Variants in FGF14 observed in about 807,000 individuals in gnomAD.
FGF14 encodes the protein fibroblast growth factor homologous factor 4.
Under a neutral mutation model 25.5 loss-of-function variants are expected in FGF14, and 5 were observed. That is an observed-to-expected ratio of 0.20 (90% CI 0.10 to 0.41). FGF14 has a LOEUF of 0.41. Among genes scored for constraint, FGF14 ranks in the 10% least tolerant of loss-of-function variants. The pLI is 1.00. For synonymous variants in FGF14, 138 were observed against 118.3 expected, an observed-to-expected ratio of 1.17 and a Z score of -1.08; for missense variants, 222 against 320.1, an observed-to-expected ratio of 0.69 and a Z score of 2.34.
chr13:102,391,997 T>C (rs1340003964), intron 1 of FGF14, among the ~76,000 whole-genome samples: 1 of 152,256 alleles, frequency 6.6e-6, no homozygotes, highest in East Asian at 1.9e-4. Context: ...AGCCTTCTTA[T>C]GTTCATATTT....
intron 3 of FGF14, among the ~76,000 whole-genome samples, chr13:101,728,525 A>G (rs2035594027): frequency 6.6e-6 from 1 of 152,204 alleles, no homozygotes; most frequent in African/African-American, 2.4e-5. Flanking sequence ...GTACATGTTC[A>G]TGCATTTATT....
chr13:101,937,266 A>T (rs1010989197), intron 1 of FGF14, among the ~76,000 whole-genome samples: 1 of 152,212 alleles, frequency 6.6e-6, no homozygotes, highest in Admixed American at 6.5e-5. Flanking sequence ...TTACAGGCTG[A>T]ATTATGTTCC....
chr13:101,788,090 C>T (rs1030709085), intron 3 of FGF14, among the ~76,000 whole-genome samples: 2 of 152,142 alleles, frequency 1.3e-5, no homozygotes, highest in African/African-American at 4.8e-5. Flanking sequence ...TCAGGCTGGT[C>T]TCAAAGTCCT....
At chr13:102,066,919 C>T (rs930820156) in intron 1 of FGF14, among the ~76,000 whole-genome samples, 1 of 152,168 alleles carries the variant, frequency 6.6e-6, no homozygotes, top group African/African-American at 2.4e-5. Flanking sequence ...TGTGCCTGCT[C>T]AAAAGCTGCA....
At chr13:101,763,366 A>G (rs2038163252) in intron 3 of FGF14, among the ~76,000 whole-genome samples, 1 of 152,190 alleles carries the variant, frequency 6.6e-6, no homozygotes, top group African/African-American at 2.4e-5. Context: ...GTCAATATGT[A>G]ATGTACTCAA....
At chr13:101,734,020 CTGTGTGTGTGTGTGCATG>C (rs2036002940) in intron 3 of FGF14, among the ~76,000 whole-genome samples, 1 of 150,116 alleles carries the variant, frequency 6.7e-6, no homozygotes, top group Non-Finnish European at 1.5e-5. Context: ...AAGGAGATGT[CTGTGTGTGTGTGTGCATG>C]TGTGTGTGTG....
intron 1 of FGF14, among the ~76,000 whole-genome samples, chr13:102,061,090 C>A (rs1035997190): frequency 2.6e-5 from 4 of 152,190 alleles, no homozygotes; most frequent in East Asian, 1.9e-4. Flanking sequence ...CATGCTGGCT[C>A]CACATCCATC....
chr13:102,280,957 C>A lies in FGF14; in HGVS notation c.208+120514G>T, dbSNP rs1318988321. Among the ~76,000 whole-genome samples the A allele has an allele frequency of 2.0e-5, 3 of 152,164 alleles. No individual in the cohort carries two copies. The East Asian group carries it at 5.8e-4, about 29-fold the overall frequency. On this transcript the variant is annotated intron_variant, in intron 1 of 4. Coordinates refer to the FGF14 transcript ENST00000376131. ...TCATAGTTCCATGAAGGGATAGATACAATCTCTAGAGGAGGAGTATAAAAT... is the reference window on the plus strand; with the variant it reads ...TCATAGTTCCATGAAGGGATAGATAAAATCTCTAGAGGAGGAGTATAAAAT...
At chr13:102,060,297 C>T (rs577754733) in intron 1 of FGF14, among the ~76,000 whole-genome samples, 144 of 152,142 alleles carry the variant, frequency 9.5e-4, no homozygotes, top group African/African-American at 3.4e-3. Flanking sequence ...AGGCTGAGGC[C>T]GGGGGATCAT....
chr13:102,295,984 A>G (rs897864227), intron 1 of FGF14, among the ~76,000 whole-genome samples: 1 of 152,160 alleles, frequency 6.6e-6, no homozygotes, highest in Non-Finnish European at 1.5e-5. Context: ...AAACAGAAGA[A>G]TTGACCTCAG....
chr13:102,136,017 T>G (rs553684194), intron 1 of FGF14, among the ~76,000 whole-genome samples: 1 of 152,194 alleles, frequency 6.6e-6, no homozygotes, highest in South Asian at 2.1e-4. Context: ...CATATCTTGA[T>G]GCATTTGCTT....
chr13:101,951,277 T>C (rs1204877745), intron 1 of FGF14, among the ~76,000 whole-genome samples: 1 of 152,188 alleles, frequency 6.6e-6, no homozygotes, highest in African/African-American at 2.4e-5. Context: ...GGTTGCACTA[T>C]GAAAGAGGTA....
chr13:101,760,289 C>A (rs1275019505), intron 3 of FGF14, among the ~76,000 whole-genome samples: 1 of 152,170 alleles, frequency 6.6e-6, no homozygotes. Flanking sequence ...GCTTACTCTA[C>A]GTTCACTGCT....
At chr13:102,204,848 G>C (rs2049834157) in intron 1 of FGF14, among the ~76,000 whole-genome samples, 1 of 152,042 alleles carries the variant, frequency 6.6e-6, no homozygotes, top group African/African-American at 2.4e-5. Flanking sequence ...TAAAACTTAA[G>C]GCAGGAAAAG....
intron 1 of FGF14, among the ~76,000 whole-genome samples, chr13:102,196,323 T>A (rs7319999): frequency 0.19 from 29,159 of 152,104 alleles, 3,363 homozygotes; most frequent in Admixed American, 0.27. Context: ...TTGCTATTTT[T>A]CCCAGAAGAG....
chr13:101,772,759 T>C (rs756758819), intron 3 of FGF14, among the ~76,000 whole-genome samples: 1 of 152,160 alleles, frequency 6.6e-6, no homozygotes, highest in South Asian at 2.1e-4. Context: ...CTGTTAAGGT[T>C]AGAAAATAAG....
chr13:101,889,349 C>T (rs1395515342), intron 1 of FGF14, among the ~76,000 whole-genome samples: 1 of 152,072 alleles, frequency 6.6e-6, no homozygotes, highest in Non-Finnish European at 1.5e-5. Flanking sequence ...CACCCGGCTC[C>T]CAGGATAGTT....
chr13:101,943,998 CAAA>C (rs58695952), intron 1 of FGF14, among the ~76,000 whole-genome samples: 8,824 of 85,372 alleles, frequency 0.1, 993 homozygotes, highest in African/African-American at 0.26. Flanking sequence ...AACTCCGTCT[CAAA>C]AAAAAAAAAA....
At chr13:102,011,319 T>C (rs2139802897) in intron 1 of FGF14, among the ~76,000 whole-genome samples, 1 of 152,354 alleles carries the variant, frequency 6.6e-6, no homozygotes, top group South Asian at 2.1e-4. Context: ...ACAATCCATA[T>C]TCCTTCCCTT....
Sources: gnomAD v4.1 joint callset for allele counts (sites outside exome capture counted in the v4.1 genomes callset) on GRCh38, gnomAD v4.1.1 for gene constraint, MANE v1.5 for transcripts, NCBI Gene and HGNC (gene_info 2026-07-23, HGNC 2026-07-21) for gene names.